The following ADGRG6 variants were observed in gnomAD, a reference collection of about 807,000 sequenced individuals.
The protein encoded by ADGRG6 is adhesion G protein-coupled receptor G6.
A neutral mutation model predicts 142.4 loss-of-function variants in ADGRG6; 84 were observed. The ratio of observed to expected loss-of-function variants is 0.59; its 90% CI spans 0.49 to 0.71. ADGRG6 has a LOEUF of 0.71. Ranked by LOEUF, ADGRG6 falls within the 30% of genes least tolerant of loss-of-function variation. The probability of loss-of-function intolerance (pLI) is 0.00; values close to 1 mark genes in which losing one functional copy is unlikely to be tolerated. For missense variants in ADGRG6, 1,367 were observed against 1,466.6 expected (o/e 0.93, Z 1.11); for synonymous variants, 521 against 520.5 (o/e 1.00, Z -0.01).
intron 2 of ADGRG6, among the ~76,000 whole-genome samples, chr6:142,341,994 G>T (rs1010837946): frequency 6.6e-6 from 1 of 152,000 alleles, no homozygotes; most frequent in Admixed American, 6.6e-5. Context: ...TAGAAGGCTT[G>T]CCACTTAGGG....
At chr6:142,371,610 C>T (rs532243856) in intron 4 of ADGRG6, among the ~76,000 whole-genome samples, 17 of 151,330 alleles carry the variant, frequency 1.1e-4, no homozygotes, top group Admixed American at 9.9e-4. Context: ...CTCAGCCTAT[C>T]GAGTAGCTGG....
intron 4 of ADGRG6, among the ~76,000 whole-genome samples, chr6:142,372,983 A>G (rs1781326260): frequency 6.6e-6 from 1 of 152,244 alleles, no homozygotes; most frequent in Non-Finnish European, 1.5e-5. Context: ...TTTAAATTGA[A>G]CACACATTTT....
intron 2 of ADGRG6, among the ~76,000 whole-genome samples, chr6:142,317,907 A>G (rs1402971352): frequency 1.3e-5 from 1 of 74,326 alleles, no homozygotes; most frequent in Non-Finnish European, 2.3e-5. Context: ...ATTTATATAT[A>G]TTATATATAT....
chr6:142,339,912 G>A (rs1473135010), intron 2 of ADGRG6, among the ~76,000 whole-genome samples: 2 of 151,760 alleles, frequency 1.3e-5, no homozygotes, highest in Non-Finnish European at 2.9e-5. Context: ...TTTTTTCTGT[G>A]TTCCATTATC....
chr6:142,368,613 T>C (rs2114856890), intron 3 of ADGRG6, among the ~76,000 whole-genome samples: 2 of 152,130 alleles, frequency 1.3e-5, no homozygotes, highest in South Asian at 4.1e-4. Context: ...ATGACTATTA[T>C]GATTTAGTTA....
At chr6:142,373,857 A>G (rs1191933583) in intron 4 of ADGRG6, among the ~76,000 whole-genome samples, 1 of 140,112 alleles carries the variant, frequency 7.1e-6, no homozygotes, top group African/African-American at 2.7e-5. Context: ...ATGTTTTTTT[A>G]ATACTTGTTT....
intron 22 of ADGRG6, among the ~76,000 whole-genome samples, chr6:142,425,726 A>G (rs544303240): frequency 6.6e-6 from 1 of 152,288 alleles, no homozygotes; most frequent in South Asian, 2.1e-4. Context: ...CACACTGCTG[A>G]TAAACATATA....
chr6:142,399,154 T>C (rs1775370546), intron 10 of ADGRG6, among the ~76,000 whole-genome samples: 2 of 152,278 alleles, frequency 1.3e-5, no homozygotes, highest in Non-Finnish European at 2.9e-5. Context: ...CTTTGACCCT[T>C]CGCCTTCTCT....
At chr6:142,307,689 C>A (rs957366581) in intron 1 of ADGRG6, among the ~76,000 whole-genome samples, 3 of 152,178 alleles carry the variant, frequency 2.0e-5, no homozygotes, top group Admixed American at 1.3e-4. Context: ...TGAGAGTCCA[C>A]ATCCATTATT....
chr6:142,428,200 T>C (rs1373929094), intron 22 of ADGRG6, among the ~76,000 whole-genome samples: 1 of 152,182 alleles, frequency 6.6e-6, no homozygotes, highest in African/African-American at 2.4e-5. Flanking sequence ...AGAGTCTATC[T>C]ATAAAATTTT....
intron 1 of ADGRG6, chr6:142,302,713 C>T (rs1270277665): frequency 7.8e-6 from 2 of 254,848 alleles, no homozygotes; most frequent in East Asian, 7.6e-5. Flanking sequence ...AGGCGCTCTC[C>T]GGAATCAACA....
In ADGRG6 at chr6:142,420,079, C is replaced by G; in HGVS notation, c.3294C>G (p.Leu1098=). The change falls in exon 22 of 25, where the codon CTC becomes CTG. Residue 1098 remains leucine, a synonymous_variant. Coordinates refer to ENST00000367609, the MANE Select transcript of ADGRG6 (RefSeq NM_198569.3). ...CCTTAAATATCCCCTTCATGTACCT[C>G]TTCTCCATCTTCAATTCATTACAAG... ...WGPLNIPFMY[L]FSIFNSLQGL... 6.2e-7 allele frequency: 1 copy of G among 1,612,064 alleles called. No individual in the cohort carries two copies. Among genetic ancestry groups the G allele is most frequent in the South Asian group, 1.1e-5 (1 of 90,994 alleles).
At position 142,373,281 on chromosome 6, in the gene ADGRG6, A is replaced by C. The variant is rs143707462; in HGVS notation, c.1069+2488A>C. On this transcript the variant is annotated intron_variant, in intron 4 of 24. Coordinates refer to ENST00000367609, the MANE Select transcript of ADGRG6 (RefSeq NM_198569.3). ...TTAGTACCAGGATAGGCTAAAGCTC[A>C]TTCTTGCTCAGGGGAGAAGTATGAA... 3.3e-4 allele frequency among the ~76,000 whole-genome samples: 50 copies of C among 151,736 alleles called. No individual in the cohort carries two copies. The East Asian group carries it at 9.2e-3, about 28-fold the overall frequency.
chr6:142,402,742 A>T lies in ADGRG6; in HGVS notation c.1867A>T (p.Ile623Phe). The T allele has an allele frequency of 6.3e-7, 1 of 1,599,116 alleles. No homozygotes were observed. Among genetic ancestry groups the T allele is most frequent in the Non-Finnish European group, 8.6e-7 (1 of 1,166,920 alleles). ...AAGAATTGTGAATAAAGAAGAAAAC[A>T]TTGATATAACACTTGGCTCAACTCT... ...VKRIVNKEEN[I>F]DITLGSTLMN... The change falls in exon 13 of 25, where the codon ATT becomes TTT. Residue 623 changes from isoleucine to phenylalanine, a missense_variant. By Grantham distance (21) the Ile-to-Phe change is conservative. This residue lies in a region of ADGRG6 where 737 missense variants were observed against 746.5 expected (regional missense o/e 0.99). Transcript: ENST00000367609.
intron 3 of ADGRG6, 113 bp from the exon 4 acceptor site, chr6:142,370,057 T>C: frequency 3.9e-6 from 3 of 761,312 alleles, no homozygotes; most frequent in Non-Finnish European, 6.2e-6. Flanking sequence ...ATGGGGCAAA[T>C]GGTAGGTAAA....
At chr6:142,422,321 C>T (rs948189010) in intron 22 of ADGRG6, among the ~76,000 whole-genome samples, 1 of 152,108 alleles carries the variant, frequency 6.6e-6, no homozygotes, top group Non-Finnish European at 1.5e-5. Context: ...CTGCTCCCCC[C>T]ACCCCACCAC....
At chr6:142,438,124 C>A in intron 23 of ADGRG6, 88 bp from the exon 24 acceptor site, 1 of 739,900 alleles carries the variant, frequency 1.4e-6, no homozygotes, top group Non-Finnish European at 2.1e-6. Flanking sequence ...TCAGATGCTC[C>A]AGATAAATAA....
At chr6:142,439,544 C>G (rs567401094) in intron 24 of ADGRG6, among the ~76,000 whole-genome samples, 170 of 152,268 alleles carry the variant, frequency 1.1e-3, no homozygotes, top group African/African-American at 3.9e-3. Flanking sequence ...TGTCTTGCCA[C>G]TGGGGTGGCC....
At chr6:142,330,938 A>G (rs927142755) in intron 2 of ADGRG6, among the ~76,000 whole-genome samples, 3 of 152,086 alleles carry the variant, frequency 2.0e-5, no homozygotes, top group Non-Finnish European at 4.4e-5. Context: ...GTTTCTTTAA[A>G]AAAAAAGCTT....
Sources: allele counts gnomAD v4.1 joint callset (sites outside exome capture counted in the v4.1 genomes callset), GRCh38; gene constraint gnomAD v4.1.1; regional missense constraint gnomAD v4.1.1; transcripts MANE v1.5; gene names NCBI Gene and HGNC (gene_info 2026-07-23, HGNC 2026-07-21).